CDH13: variants seen among roughly 807,000 people sequenced by gnomAD.
CDH13 encodes the protein cadherin-13.
In CDH13, 24 loss-of-function variants were observed where a neutral mutation model predicts 63.8. The ratio of observed to expected loss-of-function variants is 0.38; its 90% CI spans 0.27 to 0.53. The LOEUF (loss-of-function observed/expected upper bound fraction) is 0.53, where lower values mean the gene tolerates loss of function less well. Among genes scored for constraint, CDH13 ranks in the 20% least tolerant of loss-of-function variants. The probability of loss-of-function intolerance (pLI) is 0.85; values close to 1 mark genes in which losing one functional copy is unlikely to be tolerated. For synonymous variants in CDH13, 503 were observed against 355.3 expected (o/e 1.42, Z -4.67); for missense variants, 1,049 against 903.1 (o/e 1.16, Z -2.07).
intron 6 of CDH13, among the ~76,000 whole-genome samples, chr16:83,427,879 G>A (rs112226481): frequency 2.0e-5 from 3 of 152,216 alleles, no homozygotes; most frequent in South Asian, 2.1e-4. Flanking sequence ...TTTCAGGGCC[G>A]TGAAGATGTT....
intron 3 of CDH13, among the ~76,000 whole-genome samples, chr16:83,083,633 A>G (rs1251857997): frequency 1.3e-5 from 2 of 152,208 alleles, no homozygotes; most frequent in Admixed American, 1.3e-4. Context: ...TGGAATTTGT[A>G]TTGGAAAAGA....
chr16:83,644,088 C>T (rs1367330290), intron 8 of CDH13, among the ~76,000 whole-genome samples: 2 of 152,230 alleles, frequency 1.3e-5, no homozygotes, highest in African/African-American at 4.8e-5. Context: ...CAACAGAGTC[C>T]TTGGACCCTG....
intron 3 of CDH13, among the ~76,000 whole-genome samples, chr16:83,095,500 C>T (rs1026086346): frequency 6.6e-6 from 1 of 152,180 alleles, no homozygotes; most frequent in Non-Finnish European, 1.5e-5. Flanking sequence ...TATATCCTCT[C>T]AAAGGCATTA....
In CDH13 at chr16:83,282,953, A is replaced by G. The variant is rs146394666; in HGVS notation, c.637-61909A>G. 3.3e-3 allele frequency among the ~76,000 whole-genome samples: 502 copies of G among 152,334 alleles called. 5 individuals are homozygous for G. The highest frequency in any genetic ancestry group is 0.011 in the African/African-American group (473 of 41,570). ...AATGAGATAATTTGTATAATGCTCT[A>G]GTACAGTTTTAGGCCATGGTAAACT... is the stretch of plus-strand genomic sequence containing the variant. On this transcript the variant is annotated intron_variant, in intron 5 of 13. Transcript: ENST00000567109.
chr16:83,502,467 C>T (rs1352935702), intron 7 of CDH13, among the ~76,000 whole-genome samples: 1 of 152,088 alleles, frequency 6.6e-6, no homozygotes, highest in Non-Finnish European at 1.5e-5. Flanking sequence ...CCACTGAGAC[C>T]CACTTTGGAC....
chr16:83,447,618 C>A lies in CDH13; in HGVS notation c.782-38859C>A, dbSNP rs17288766. On this transcript the variant is annotated intron_variant, in intron 6 of 13. Coordinates refer to ENST00000567109, the MANE Select transcript of CDH13 (RefSeq NM_001257.5). The stretch of plus-strand genomic sequence containing the variant: ...TTTCACACCTGTGTACAGGAAGAAG[C>A]GTGTGAAAACAGGTCAAGAGGATCC... Among the ~76,000 whole-genome samples, 251 of 151,772 alleles carry A rather than the reference C, an allele frequency of 1.7e-3. 1 individual carries two copies. The highest frequency in any genetic ancestry group is 5.8e-3 in the African/African-American group (239 of 41,374).
intron 8 of CDH13, among the ~76,000 whole-genome samples, chr16:83,620,193 C>A (rs1598379620): frequency 6.6e-6 from 1 of 152,044 alleles, no homozygotes; most frequent in African/African-American, 2.4e-5. Flanking sequence ...GAGATGGAGA[C>A]CGGCCTGGCC....
intron 10 of CDH13, among the ~76,000 whole-genome samples, chr16:83,680,770 A>G (rs993202871): frequency 6.6e-6 from 1 of 151,860 alleles, no homozygotes; most frequent in Admixed American, 6.6e-5. Flanking sequence ...CTAGTACCCA[A>G]CTCACAGTGA....
intron 5 of CDH13, among the ~76,000 whole-genome samples, chr16:83,276,824 C>T (rs113356702): frequency 0.022 from 3,335 of 152,216 alleles, 126 homozygotes; most frequent in African/African-American, 0.072. Flanking sequence ...GAGCCAAGAT[C>T]AGGCCACTGC....
At chr16:83,023,554 A>G (rs1254528981) in intron 2 of CDH13, among the ~76,000 whole-genome samples, 1 of 152,236 alleles carries the variant, frequency 6.6e-6, no homozygotes. Context: ...GTTTAGTCAC[A>G]TCTTTCAGTT....
chr16:82,847,467 CA>C (rs1408522985), intron 1 of CDH13, among the ~76,000 whole-genome samples: 2 of 152,308 alleles, frequency 1.3e-5, no homozygotes, highest in East Asian at 3.9e-4. Flanking sequence ...GGGCTGAGTT[CA>C]TCTCATAACA....
At chr16:83,760,844 A>G (rs1370072768) in intron 11 of CDH13, among the ~76,000 whole-genome samples, 1 of 152,162 alleles carries the variant, frequency 6.6e-6, no homozygotes, top group Non-Finnish European at 1.5e-5. Context: ...ACATATTCTC[A>G]AGTACCTTCT....
rs536921510 is a variant in CDH13 at position 82,893,111 on chromosome 16, A to C, written c.157+34638A>C. Among the ~76,000 whole-genome samples, 3 of 152,352 alleles carry C rather than the reference A, an allele frequency of 2.0e-5. No homozygotes were observed. The East Asian group carries it at 5.8e-4, about 29-fold the overall frequency. On this transcript the variant is annotated intron_variant, in intron 2 of 13. Coordinates refer to ENST00000567109, the MANE Select transcript of CDH13 (RefSeq NM_001257.5). ...TGAACAACCATGATTCCTGAATTCC[A>C]TGTAAATTAGCACTACAGAATGAAA...
At chr16:83,278,744 G>C (rs1259653683) in intron 5 of CDH13, among the ~76,000 whole-genome samples, 2 of 152,200 alleles carry the variant, frequency 1.3e-5, no homozygotes, top group African/African-American at 4.8e-5. Flanking sequence ...ATATGTTAGA[G>C]GCTGGAGCAA....
At chr16:82,922,377 G>C (rs146887366) in intron 2 of CDH13, among the ~76,000 whole-genome samples, 14 of 152,302 alleles carry the variant, frequency 9.2e-5, no homozygotes, top group African/African-American at 3.4e-4. Context: ...CTGTATTACA[G>C]AAGAAGACAT....
chr16:83,549,779 A>G (rs532221731), intron 7 of CDH13, among the ~76,000 whole-genome samples: 2 of 152,338 alleles, frequency 1.3e-5, no homozygotes, highest in East Asian at 3.9e-4. Context: ...AGGGGCATTC[A>G]CTGTAATCCC....
At chr16:83,085,270 G>A (rs1242794944) in intron 3 of CDH13, among the ~76,000 whole-genome samples, 1 of 152,116 alleles carries the variant, frequency 6.6e-6, no homozygotes. Context: ...CAGATGTCTT[G>A]AGATTTATTC....
Position 83,544,077 on chromosome 16 carries a change from T to C in CDH13, c.960+57422T>C, listed in dbSNP as rs1264588543. On this transcript the variant is annotated intron_variant, in intron 7 of 13. Coordinates refer to ENST00000567109, the MANE Select transcript of CDH13 (RefSeq NM_001257.5). ...TGAGCTGCACCCAGTGGTTACTAGGTGGGGTGCTCTGTGCAGTGTGCTTCG... is the reference window on the plus strand; with the variant it reads ...TGAGCTGCACCCAGTGGTTACTAGGCGGGGTGCTCTGTGCAGTGTGCTTCG... Among the ~76,000 whole-genome samples the C allele has an allele frequency of 2.6e-5, 4 of 152,302 alleles. No individual in the cohort carries two copies. In the East Asian group the frequency reaches 7.7e-4, roughly 29 times the overall value.
intron 1 of CDH13, among the ~76,000 whole-genome samples, chr16:82,680,801 G>GA (rs2150960258): frequency 1.3e-5 from 2 of 152,314 alleles, no homozygotes; most frequent in African/African-American, 4.8e-5. Context: ...AGGGCAAGGA[G>GA]AAGGGGGCCA....
Sources: gnomAD v4.1 joint callset for allele counts (sites outside exome capture counted in the v4.1 genomes callset) on GRCh38, gnomAD v4.1.1 for gene constraint, MANE v1.5 for transcripts, NCBI Gene and HGNC (gene_info 2026-07-23, HGNC 2026-07-21) for gene names.